TPD52: variants seen among roughly 807,000 people sequenced by gnomAD.
The protein encoded by TPD52 is tumor protein D52.
TPD52 carries 17 observed loss-of-function variants against 31.3 expected under a neutral mutation model. The observed-to-expected ratio is 0.54, with a 90% CI of 0.37 to 0.82. The LOEUF is 0.82. Among genes scored for constraint, TPD52 ranks in the 40% least tolerant of loss-of-function variants. TPD52 has a pLI of 0.00. For missense variants in TPD52, 212 were observed against 240.1 expected (o/e 0.88, Z 0.77); for synonymous variants, 83 against 89.6 (o/e 0.93, Z 0.42).
intron 2 of TPD52, among the ~76,000 whole-genome samples, chr8:80,057,279 C>CTGA (rs1448934503): frequency 2.6e-5 from 4 of 152,208 alleles, no homozygotes; most frequent in African/African-American, 9.6e-5. Context: ...CACTGTGGAA[C>CTGA]ACAATTTGGA....
intron 4 of TPD52, 30 bp from the exon 5 acceptor site, chr8:80,050,501 A>G (rs780144022): frequency 1.3e-6 from 2 of 1,590,148 alleles, no homozygotes; most frequent in Non-Finnish European, 8.6e-7. Flanking sequence ...GCATTAAAAA[A>G]GAAAGAAGTT....
chr8:80,110,396 C>A (rs1807419850), intron 1 of TPD52, among the ~76,000 whole-genome samples: 1 of 151,870 alleles, frequency 6.6e-6, no homozygotes, highest in South Asian at 2.1e-4. Flanking sequence ...TTTCATTGAG[C>A]CTGTTGTCAT....
intron 5 of TPD52, among the ~76,000 whole-genome samples, chr8:80,048,579 CTTGGGT>C (rs989358986): frequency 6.6e-6 from 1 of 152,194 alleles, no homozygotes; most frequent in African/African-American, 2.4e-5. Context: ...GCTCCCTTTC[CTTGGGT>C]AGTTCTTGAG....
chr8:80,152,511 T>A (rs1252735153), intron 1 of TPD52, among the ~76,000 whole-genome samples: 2 of 152,134 alleles, frequency 1.3e-5, no homozygotes, highest in Admixed American at 1.3e-4. Flanking sequence ...CCGGGAGCGG[T>A]GGCTCATGCC....
chr8:80,142,371 T>G (rs964818433), intron 1 of TPD52, among the ~76,000 whole-genome samples: 1 of 152,154 alleles, frequency 6.6e-6, no homozygotes, highest in African/African-American at 2.4e-5. Flanking sequence ...TGGTCCACAG[T>G]AATAAAGGCT....
At chr8:80,107,322 T>C (rs1194729642) in intron 1 of TPD52, among the ~76,000 whole-genome samples, 1 of 152,182 alleles carries the variant, frequency 6.6e-6, no homozygotes, top group African/African-American at 2.4e-5. Context: ...GCTGTCCTTT[T>C]TGTAAATGGA....
chr8:80,095,276 A>T (rs1173606275), intron 1 of TPD52, among the ~76,000 whole-genome samples: 1 of 152,198 alleles, frequency 6.6e-6, no homozygotes, highest in African/African-American at 2.4e-5. Context: ...GAAAAGCCAA[A>T]ATACTGTAAG....
rs1809918218 is a variant in TPD52, at chr8:80,036,479, T to G, written c.*1637A>C. 1 of 152,468 alleles carries G rather than the reference T, an allele frequency of 6.6e-6. No homozygotes were observed. The highest frequency in any genetic ancestry group is 2.1e-4 in the South Asian group (1 of 4,818). 9.4% of individuals were successfully genotyped at this position (152,468 alleles called of 1,614,324 possible). ...TAATATGATACCATTAAGCAATAAT[T>G]TAAGGATGGTTAAAAAAAAATTTTT... On this transcript the variant is annotated 3_prime_UTR_variant, in exon 8 of 8. Transcript: ENST00000518937.
chr8:80,087,047 A>C (rs116398052), intron 1 of TPD52, among the ~76,000 whole-genome samples: 2,510 of 152,290 alleles, frequency 0.016, 66 homozygotes, highest in African/African-American at 0.057. Flanking sequence ...AAGAGTATGC[A>C]TGTGTACAGA....
chr8:80,073,401 A>G (rs560686363), intron 1 of TPD52, among the ~76,000 whole-genome samples: 19 of 152,214 alleles, frequency 1.2e-4, no homozygotes, highest in Non-Finnish European at 2.4e-4. Context: ...ATTAGCTTAA[A>G]TAAGTCAAAA....
chr8:80,055,037 G>A (rs1481632276), intron 2 of TPD52, among the ~76,000 whole-genome samples: 1 of 152,200 alleles, frequency 6.6e-6, no homozygotes, highest in Admixed American at 6.5e-5. Context: ...TTTTCTGAAT[G>A]CACGTCTCAG....
chr8:80,032,185 T>C (rs973004764), downstream of TPD52, among the ~76,000 whole-genome samples: 2 of 149,462 alleles, frequency 1.3e-5, no homozygotes, highest in Non-Finnish European at 3.0e-5. Context: ...AATGAGTAAG[T>C]TTGTATCAAA....
chr8:80,089,250 G>A (rs1816065250), intron 1 of TPD52, among the ~76,000 whole-genome samples: 1 of 152,182 alleles, frequency 6.6e-6, no homozygotes, highest in African/African-American at 2.4e-5. Context: ...ACAGATGCTG[G>A]AGATCAACTG....
At chr8:80,074,514 C>G (rs1186959367) in intron 1 of TPD52, among the ~76,000 whole-genome samples, 2 of 152,196 alleles carry the variant, frequency 1.3e-5, no homozygotes, top group African/African-American at 4.8e-5. Flanking sequence ...CACGGCACCA[C>G]GGGCGTCATG....
intron 5 of TPD52, among the ~76,000 whole-genome samples, chr8:80,046,089 C>T (rs144562278): frequency 3.3e-5 from 5 of 152,164 alleles, no homozygotes; most frequent in Non-Finnish European, 7.4e-5. Flanking sequence ...AGCAGTGGAT[C>T]GGTTGGGCTC....
At chr8:80,164,736 A>C (rs1387522067) in intron 1 of TPD52, among the ~76,000 whole-genome samples, 2 of 151,848 alleles carry the variant, frequency 1.3e-5, no homozygotes, top group Admixed American at 1.3e-4. Context: ...AATACAAAAA[A>C]TTAGCCAGGC....
intron 1 of TPD52, among the ~76,000 whole-genome samples, chr8:80,073,394 A>C (rs565528395): frequency 2.2e-4 from 34 of 152,286 alleles, no homozygotes; most frequent in African/African-American, 7.9e-4. Context: ...AGGTCCCATT[A>C]GCTTAAATAA....
intron 1 of TPD52, among the ~76,000 whole-genome samples, chr8:80,156,339 T>C (rs1000704518): frequency 6.6e-6 from 1 of 152,154 alleles, no homozygotes; most frequent in African/African-American, 2.4e-5. Flanking sequence ...GTACAAGCTG[T>C]GTGGCTTTTT....
intron 1 of TPD52, among the ~76,000 whole-genome samples, chr8:80,133,375 G>C (rs1007839070): frequency 6.6e-6 from 1 of 151,934 alleles, no homozygotes; most frequent in African/African-American, 2.4e-5. Context: ...ACCACCCATG[G>C]GCCATATTCC....
Sources: gnomAD v4.1 joint callset for allele counts (sites outside exome capture counted in the v4.1 genomes callset) on GRCh38, gnomAD v4.1.1 for gene constraint, MANE v1.5 for transcripts, NCBI Gene and HGNC (gene_info 2026-07-23, HGNC 2026-07-21) for gene names.